APTX: variants seen among roughly 807,000 people sequenced by gnomAD.
The protein encoded by APTX is aprataxin.
A neutral mutation model predicts 42.3 loss-of-function variants in APTX; 33 were observed. The ratio of observed to expected loss-of-function variants is 0.78; its 90% CI spans 0.59 to 1.04. The LOEUF (loss-of-function observed/expected upper bound fraction) is 1.04, where lower values mean the gene tolerates loss of function less well. Ranked by LOEUF, APTX falls within the 50% of genes least tolerant of loss-of-function variation. The pLI is 0.00. For synonymous variants in APTX, 130 were observed against 146.7 expected (o/e 0.89, Z 0.82); for missense variants, 421 against 415.1 (o/e 1.01, Z -0.12).
At chr9:32,991,597 C>T (rs1042890745) in intron 1 of APTX, among the ~76,000 whole-genome samples, 1 of 152,012 alleles carries the variant, frequency 6.6e-6, no homozygotes, top group Non-Finnish European at 1.5e-5. Flanking sequence ...GCCTAGCCAA[C>T]GTGGTAAAAC....
intron 1 of APTX, among the ~76,000 whole-genome samples, chr9:32,992,134 T>C (rs1251860567): frequency 6.6e-6 from 1 of 152,182 alleles, no homozygotes; most frequent in Non-Finnish European, 1.5e-5. Flanking sequence ...CTCCAGACTC[T>C]TATCAGTGCT....
intron 1 of APTX, among the ~76,000 whole-genome samples, chr9:32,990,548 T>C (rs1428559366): frequency 6.6e-6 from 1 of 152,194 alleles, no homozygotes; most frequent in Non-Finnish European, 1.5e-5. Context: ...ACAGGGACAT[T>C]GTCCCTGTCC....
At chr9:32,987,448 C>T in intron 4 of APTX, 96 bp downstream of exon 4, 1 of 1,491,690 alleles carries the variant, frequency 6.7e-7, no homozygotes, top group Admixed American at 1.7e-5. Context: ...TTAATAACCC[C>T]TCACGCATTT....
intron 5 of APTX, 98 bp from the exon 6 acceptor site, chr9:32,984,955 T>C: frequency 1.7e-6 from 2 of 1,169,280 alleles, no homozygotes; most frequent in South Asian, 1.3e-5. Context: ...CCCACAGTCT[T>C]GTGCAAATGG....
chr9:32,991,511 C>T (rs564836694), intron 1 of APTX, among the ~76,000 whole-genome samples: 2 of 152,130 alleles, frequency 1.3e-5, no homozygotes, highest in African/African-American at 2.4e-5. Flanking sequence ...TGGCCAGGTG[C>T]GGTGTCTCAG....
intron 1 of APTX, among the ~76,000 whole-genome samples, chr9:33,008,409 T>C (rs1303801176): frequency 6.7e-6 from 1 of 150,032 alleles, no homozygotes; most frequent in East Asian, 1.9e-4. Flanking sequence ...CTGACTAAGA[T>C]TTTTTTTTTA....
intron 1 of APTX, among the ~76,000 whole-genome samples, chr9:32,993,458 C>T (rs866616184): frequency 6.6e-6 from 1 of 152,176 alleles, no homozygotes; most frequent in South Asian, 2.1e-4. Flanking sequence ...TGTCCATTTT[C>T]GCTTATCAAT....
At chr9:33,018,198 C>A (rs1300389786) in intron 1 of APTX, among the ~76,000 whole-genome samples, 1 of 151,182 alleles carries the variant, frequency 6.6e-6, no homozygotes. Flanking sequence ...GCAACCTCTG[C>A]CTGCTGGGTT....
intron 1 of APTX, among the ~76,000 whole-genome samples, chr9:33,012,009 C>A (rs1381296025): frequency 1.3e-5 from 2 of 152,214 alleles, no homozygotes; most frequent in Non-Finnish European, 2.9e-5. Flanking sequence ...CACATTTACA[C>A]CATTCAGACA....
At chr9:32,974,370 C>T in intron 7 of APTX, 88 bp downstream of exon 7, 1 of 883,566 alleles carries the variant, frequency 1.1e-6, no homozygotes, top group Non-Finnish European at 1.9e-6. Flanking sequence ...TTTTTGAGGT[C>T]AGACTGTTAT....
At chr9:33,000,241 T>C (rs1191434194) in intron 1 of APTX, among the ~76,000 whole-genome samples, 1 of 152,168 alleles carries the variant, frequency 6.6e-6, no homozygotes, top group East Asian at 1.9e-4. Flanking sequence ...AAGCTCAGTG[T>C]CTGATAAAAA....
At chr9:33,010,879 C>T (rs147697316) in intron 1 of APTX, among the ~76,000 whole-genome samples, 3 of 152,212 alleles carry the variant, frequency 2.0e-5, no homozygotes, top group Middle Eastern at 3.4e-3. Context: ...TGGTGACTAA[C>T]GCCTGTAATC....
At position 32,973,665 on chromosome 9, in the gene APTX, A is replaced by G. The variant is rs1175781460; in HGVS notation, c.875-13T>C. 6.2e-7 allele frequency: 1 copy of G among 1,612,760 alleles called. No individual in the cohort carries two copies. The highest frequency in any genetic ancestry group is 2.2e-5 in the East Asian group (1 of 44,834). ...ATCTCGATCACAGCTGCAGGCAAGG[A>G]AGAAAAGTCAAATCCCAGCTACTCT... is the stretch of plus-strand genomic sequence containing the variant. On this transcript the variant is annotated splice_polypyrimidine_tract_variant and intron_variant, in intron 7 of 7. Transcript: ENST00000379817.
intron 1 of APTX, among the ~76,000 whole-genome samples, chr9:32,999,852 T>C (rs546895792): frequency 6.6e-6 from 1 of 152,218 alleles, no homozygotes; most frequent in East Asian, 1.9e-4. Flanking sequence ...GGTAGACGCC[T>C]GTAGTCCTGA....
chr9:33,020,232 A>C, intron 1 of APTX: 2 of 184,304 alleles, frequency 1.1e-5, no homozygotes, highest in South Asian at 1.9e-4. Context: ...CCTTCACCCA[A>C]TTTTGCTCCT....
intron 4 of APTX, chr9:32,986,235 CAA>C: frequency 2.9e-6 from 2 of 697,874 alleles, no homozygotes; most frequent in South Asian, 2.9e-5. Context: ...TTTTTTGAGA[CAA>C]AGTCTCACTC....
chr9:32,986,032 TA>T lies in APTX; in HGVS notation c.484-3del, dbSNP rs373304582. On this transcript the variant is annotated splice_polypyrimidine_tract_variant and splice_region_variant and intron_variant, in intron 4 of 7. Coordinates refer to ENST00000379817, the MANE Select transcript of APTX (RefSeq NM_001195248.2). ...TTGACTCCAGTGGCCCAGGGATTCCTAAAAAAAAAACAAAAAAAAAAACAAA... is the reference window on the plus strand; with the variant it reads ...TTGACTCCAGTGGCCCAGGGATTCCTAAAAAAAAACAAAAAAAAAAACAAA... The T allele has an allele frequency of 0.11, 79,131 of 690,218 alleles. 3,874 individuals are homozygous for T. The highest frequency in any genetic ancestry group is 0.21 in the East Asian group (4,566 of 22,234). 42.8% of individuals were successfully genotyped at this position (690,218 alleles called of 1,614,324 possible).
At chr9:33,001,119 T>G (rs1836322276) in intron 1 of APTX, among the ~76,000 whole-genome samples, 1 of 152,114 alleles carries the variant, frequency 6.6e-6, no homozygotes, top group Non-Finnish European at 1.5e-5. Flanking sequence ...AGTGCTGGGA[T>G]TACAGGCATG....
chr9:33,022,102 T>A (rs1396210069), intron 1 of APTX, among the ~76,000 whole-genome samples: 1 of 152,080 alleles, frequency 6.6e-6, no homozygotes, highest in African/African-American at 2.4e-5. Flanking sequence ...GAGTCACAAT[T>A]TATCTACATA....
Sources: allele counts gnomAD v4.1 joint callset (sites outside exome capture counted in the v4.1 genomes callset), GRCh38; gene constraint gnomAD v4.1.1; transcripts MANE v1.5; gene names NCBI Gene and HGNC (gene_info 2026-07-23, HGNC 2026-07-21).